Variants in BPIFB3 observed in about 807,000 individuals in gnomAD.
The protein encoded by BPIFB3 is BPI fold containing family B member 3.
BPIFB3 carries 49 observed loss-of-function variants against 53.1 expected under a neutral mutation model. The ratio of observed to expected loss-of-function variants is 0.92; its 90% confidence interval spans 0.73 to 1.17. BPIFB3 has a LOEUF of 1.17. Ranked by LOEUF, BPIFB3 falls within the 50% of genes most tolerant of loss-of-function variation. The pLI is 0.00. For synonymous variants in BPIFB3, 271 were observed against 269.6 expected (o/e 1.01, Z -0.05); for missense variants, 628 against 592.5 (o/e 1.06, Z -0.62).
exon 4 of BPIFB3, chr20:33,059,907 C>A (rs1161605069): frequency 6.2e-7 from 1 of 1,613,894 alleles, no homozygotes; most frequent in South Asian, 1.1e-5. Context: ...TGGTGGCCTT[C>A]TGCAGCTGGC....
intron 2 of BPIFB3, 60 bp downstream of exon 3, chr20:33,056,758 GA>G: frequency 2.0e-6 from 3 of 1,501,904 alleles, no homozygotes; most frequent in Non-Finnish European, 1.8e-6. Flanking sequence ...AGGAATTGAG[GA>G]GAGATTGTCT....
upstream of BPIFB3, among the ~76,000 whole-genome samples, chr20:33,055,038 C>A (rs946039741): frequency 2.1e-4 from 32 of 152,234 alleles, no homozygotes; most frequent in African/African-American, 7.7e-4. Flanking sequence ...ACTCCAGACA[C>A]CCGGCCAGGC....
rs909133595 is a variant in BPIFB3, at chr20:33,063,735, A to G, written c.652+60A>G. The G allele has an allele frequency of 3.2e-5, 49 of 1,533,858 alleles. No individual in the cohort carries two copies. In the East Asian group the frequency reaches 4.4e-4, roughly 14 times the overall value. On this transcript the variant is annotated intron_variant, in intron 6 of 14. Coordinates refer to ENST00000375494, the Ensembl canonical transcript of BPIFB3. ...TTCTACCCGTCTCTGTATGACCCCA[A>G]TGGGGTAGGGTACGAAGGGGAGCCA... is the stretch of plus-strand genomic sequence containing the variant.
chr20:33,069,839 A>G, intron 10 of BPIFB3, 49 bp from the exon 12 acceptor site: 1 of 1,598,370 alleles, frequency 6.3e-7, no homozygotes. Context: ...CCCGTCCTCA[A>G]GCTCCTTCTG....
chr20:33,069,022 G>C, intron 10 of BPIFB3, 49 bp downstream of exon 11: 1 of 1,582,842 alleles, frequency 6.3e-7, no homozygotes, highest in Non-Finnish European at 8.6e-7. Context: ...GTTCCAAATG[G>C]GGGTGACTGT....
exon 1 of BPIFB3, chr20:33,055,433 G>A: frequency 6.2e-7 from 1 of 1,613,610 alleles, no homozygotes; most frequent in Non-Finnish European, 8.5e-7. Flanking sequence ...CATGCAGCCA[G>A]TCATGCTGGC....
intron 4 of BPIFB3, among the ~76,000 whole-genome samples, chr20:33,060,695 A>G (rs1373587330): frequency 6.6e-6 from 1 of 151,578 alleles, no homozygotes; most frequent in Non-Finnish European, 1.5e-5. Flanking sequence ...TCAGCCTCCC[A>G]AGTAGCTGGG....
intron 2 of BPIFB3, among the ~76,000 whole-genome samples, chr20:33,057,067 G>A (rs1160517118): frequency 1.3e-5 from 2 of 152,142 alleles, no homozygotes; most frequent in Non-Finnish European, 1.5e-5. Flanking sequence ...CATTTTACAG[G>A]TTTATTTTAT....
At chr20:33,070,916 C>T (rs941789410) in intron 11 of BPIFB3, among the ~76,000 whole-genome samples, 9 of 152,170 alleles carry the variant, frequency 5.9e-5, no homozygotes, top group African/African-American at 2.2e-4. Flanking sequence ...GAGTGAGCAC[C>T]TGCTGTATGC....
intron 8 of BPIFB3, among the ~76,000 whole-genome samples, chr20:33,066,173 C>T (rs982448547): frequency 3.9e-5 from 6 of 151,994 alleles, no homozygotes; most frequent in African/African-American, 1.5e-4. Context: ...TCAGGGCCCC[C>T]GGAGGCTGGG....
chr20:33,061,370 T>C (rs1030320792), intron 4 of BPIFB3, among the ~76,000 whole-genome samples: 5 of 149,974 alleles, frequency 3.3e-5, no homozygotes, highest in Non-Finnish European at 7.4e-5. Context: ...ATTCATTCAT[T>C]CATCTAACAA....
intron 4 of BPIFB3, 128 bp from the exon 6 acceptor site, chr20:33,061,640 C>T (rs1474314119): frequency 1.1e-5 from 10 of 877,260 alleles, no homozygotes; most frequent in Middle Eastern, 5.5e-4. Flanking sequence ...TCTCCAAAGC[C>T]GCAGTCAACA....
At chr20:33,067,712 G>A (rs995269299) in intron 9 of BPIFB3, among the ~76,000 whole-genome samples, 5 of 152,244 alleles carry the variant, frequency 3.3e-5, no homozygotes, top group Non-Finnish European at 5.9e-5. Flanking sequence ...GGCTGGGGCA[G>A]GGGTATCCAG....
intron 9 of BPIFB3, among the ~76,000 whole-genome samples, 179 bp from the exon 11 acceptor site, chr20:33,068,624 G>A (rs756599774): frequency 4.6e-5 from 7 of 152,172 alleles, no homozygotes; most frequent in Non-Finnish European, 7.4e-5. Flanking sequence ...CTGCAGGTCG[G>A]TGTCTCCACA....
At chr20:33,070,799 G>C (rs958132204) in intron 11 of BPIFB3, among the ~76,000 whole-genome samples, 1 of 152,224 alleles carries the variant, frequency 6.6e-6, no homozygotes, top group East Asian at 1.9e-4. Context: ...TCCACTTCCT[G>C]ATGGCAGTTC....
chr20:33,064,359 G>A (rs919183961), intron 6 of BPIFB3, 98 bp from the exon 8 acceptor site: 3 of 962,612 alleles, frequency 3.1e-6, no homozygotes, highest in African/African-American at 3.2e-5. Flanking sequence ...TTAGTAGAGT[G>A]CTAGGCATTC....
At chr20:33,073,744 TG>T (rs978380564), downstream of BPIFB3, 2 of 992,620 alleles carry the variant, frequency 2.0e-6, no homozygotes, top group South Asian at 3.2e-5. Flanking sequence ...ACTCCAAGTT[TG>T]GGGTGGGAAC....
At chr20:33,056,230 C>A (rs1296204917) in intron 1 of BPIFB3, among the ~76,000 whole-genome samples, 1 of 152,216 alleles carries the variant, frequency 6.6e-6, no homozygotes, top group Non-Finnish European at 1.5e-5. Flanking sequence ...ACTTTGGACA[C>A]GTCTCTGCCC....
chr20:33,054,051 G>A (rs1301965234), upstream of BPIFB3, among the ~76,000 whole-genome samples: 1 of 152,146 alleles, frequency 6.6e-6, no homozygotes, highest in Non-Finnish European at 1.5e-5. Context: ...TGAATGATGG[G>A]CACGGAAAGA....
Sources: gnomAD v4.1 joint callset for allele counts (sites outside exome capture counted in the v4.1 genomes callset) on GRCh38, gnomAD v4.1.1 for gene constraint, MANE v1.5 for transcripts, NCBI Gene and HGNC (gene_info 2026-07-23, HGNC 2026-07-21) for gene names.